The following MON2 variants were observed in gnomAD, a reference collection of about 807,000 sequenced individuals.
The protein encoded by MON2 is MON2 regulator of endosome-to-Golgi trafficking.
Under a neutral mutation model 208.6 loss-of-function variants are expected in MON2, and 84 were observed. The observed-to-expected ratio is 0.40, with a 90% CI of 0.34 to 0.48. MON2 has a LOEUF of 0.48. MON2 is among the 20% of genes least tolerant of loss of function. MON2 has a pLI of 0.59. For synonymous variants in MON2, 660 were observed against 694.0 expected (o/e 0.95, Z 0.77); for missense variants, 1,611 against 2,015.4 (o/e 0.80, Z 3.84).
At chr12:62,572,867 G>A (rs749311254) in intron 30 of MON2, among the ~76,000 whole-genome samples, 20 of 152,062 alleles carry the variant, frequency 1.3e-4, no homozygotes, top group Non-Finnish European at 2.9e-4. Context: ...TGGATTTGAT[G>A]TACTTGAAGA....
In MON2 at chr12:62,500,813, G is replaced by A; in HGVS notation, c.596G>A (p.Gly199Glu). 1 of 1,596,964 alleles carries A rather than the reference G, an allele frequency of 6.3e-7. No homozygotes were observed. The highest frequency in any genetic ancestry group is 8.5e-7 in the Non-Finnish European group (1 of 1,171,896). Residue 199 changes from glycine to glutamate, a missense_variant, in exon 6 of 35, where the codon GGA becomes GAA. Transcript: ENST00000393630. ...ATAGAACAACCAGTACTGGTACAAG[G>A]AAATAGTAACAGAAGATCTGTCAGT... ...DIIEQPVLVQ[G>E]NSNRRSVSTL...
chr12:62,533,117 A>G (rs1298224095), intron 12 of MON2, among the ~76,000 whole-genome samples: 2 of 152,148 alleles, frequency 1.3e-5, no homozygotes, highest in Admixed American at 1.3e-4. Context: ...TTTTTTGAGT[A>G]CAAGTCAGTC....
intron 2 of MON2, among the ~76,000 whole-genome samples, chr12:62,485,837 G>A (rs2069747705): frequency 6.6e-6 from 1 of 152,130 alleles, no homozygotes; most frequent in Admixed American, 6.5e-5. Context: ...CCGAGTAGCT[G>A]AGATTTCAGG....
intron 30 of MON2, among the ~76,000 whole-genome samples, chr12:62,572,360 T>TACAAGTCC (rs1355700274): frequency 1.3e-5 from 2 of 152,238 alleles, no homozygotes; most frequent in Non-Finnish European, 2.9e-5. Flanking sequence ...CGTGCCCTTT[T>TACAAGTCC]ACTAAATGTG....
Position 62,543,132 on chromosome 12 carries a change from A to C in MON2, c.2400A>C (p.Glu800Asp). The C allele has an allele frequency of 6.3e-7, 1 of 1,580,658 alleles. No individual in the cohort carries two copies. Among genetic ancestry groups the C allele is most frequent in the Non-Finnish European group, 8.6e-7 (1 of 1,167,702 alleles). Residue 800 changes from glutamate (E) to aspartate (D), a missense_variant, in exon 20 of 35, where the codon GAA (glutamate) becomes GAC (aspartate). By Grantham distance (45) the Glu-to-Asp change is conservative. Transcript: ENST00000393630. The stretch of plus-strand genomic sequence containing the variant: ...TTTTTGCTGTTGCCAAATTGTTAGA[A>C]ACTGGTTTAGTTAATATGCACCGAA... Reference protein sequence around the residue: ...PSLFAVAKLLETGLVNMHRIE... With the variant: ...PSLFAVAKLLDTGLVNMHRIE...
At chr12:62,501,530 C>T (rs2070832353) in intron 6 of MON2, 43 bp from the exon 7 acceptor site, 3 of 1,600,674 alleles carry the variant, frequency 1.9e-6, no homozygotes, top group African/African-American at 2.7e-5. Context: ...TGGAAAAGCA[C>T]ATTTAATTCT....
chr12:62,518,472 C>G (rs2071817227), intron 8 of MON2, among the ~76,000 whole-genome samples: 1 of 152,130 alleles, frequency 6.6e-6, no homozygotes. Flanking sequence ...TTTTAGGCTC[C>G]ATAACACACT....
At chr12:62,531,697 G>T (rs2072653487) in intron 11 of MON2, among the ~76,000 whole-genome samples, 1 of 152,038 alleles carries the variant, frequency 6.6e-6, no homozygotes, top group African/African-American at 2.4e-5. Context: ...TAGGTGAGCT[G>T]GGCATCTCAC....
intron 7 of MON2, among the ~76,000 whole-genome samples, chr12:62,506,003 G>C (rs571327242): frequency 6.6e-6 from 1 of 152,276 alleles, no homozygotes; most frequent in East Asian, 1.9e-4. Flanking sequence ...ATGAGAAGTG[G>C]AGAAGTAGAG....
At chr12:62,487,169 C>T (rs1234459825) in intron 2 of MON2, among the ~76,000 whole-genome samples, 3 of 151,974 alleles carry the variant, frequency 2.0e-5, no homozygotes, top group African/African-American at 7.2e-5. Context: ...TCAAAATTTC[C>T]ATTTTCTTTA....
intron 2 of MON2, among the ~76,000 whole-genome samples, chr12:62,485,771 T>C (rs2069739856): frequency 6.6e-6 from 1 of 151,954 alleles, no homozygotes; most frequent in Non-Finnish European, 1.5e-5. Flanking sequence ...TGGTGTGGTC[T>C]CGGCTTACTG....
Position 62,525,643 on chromosome 12 carries a change from T to C in MON2, c.1247-306T>C, listed in dbSNP as rs1384718816. On this transcript the variant is annotated intron_variant, in intron 10 of 34. Coordinates refer to ENST00000393630, the MANE Select transcript of MON2 (RefSeq NM_015026.3). ...ACCTTCTTTCTCTTCCACTTTGTAC[T>C]GAGTGATGGTTTTGTATACTTTATT... Among the ~76,000 whole-genome samples the C allele has an allele frequency of 2.6e-5, 4 of 152,196 alleles. No individual in the cohort carries two copies. The East Asian group carries it at 7.7e-4, about 29-fold the overall frequency.
rs915279039 is a variant in MON2, at chr12:62,466,872, C to T, written c.-336C>T. On this transcript the variant is annotated 5_prime_UTR_variant, in exon 1 of 35. Coordinates refer to ENST00000393630, the MANE Select transcript of MON2 (RefSeq NM_015026.3). ...GAGTCTTAGGGGCCTGGGGAGCTGG[C>T]GCTGAAGCTTCTTGCCAGGTTGGCT... The T allele has an allele frequency of 6.6e-6, 3 of 452,384 alleles. No homozygotes were observed. The highest frequency in any genetic ancestry group is 3.5e-5 in the East Asian group (1 of 28,822). 28.0% of individuals were successfully genotyped at this position (452,384 alleles called of 1,614,324 possible).
intron 24 of MON2, among the ~76,000 whole-genome samples, chr12:62,555,567 T>C (rs1407172964): frequency 1.3e-5 from 2 of 152,278 alleles, no homozygotes; most frequent in East Asian, 1.9e-4. Context: ...CCCAACACTT[T>C]GGGAGGTCGA....
chr12:62,576,574 A>T (rs940810814), intron 30 of MON2, among the ~76,000 whole-genome samples: 3 of 152,060 alleles, frequency 2.0e-5, no homozygotes, highest in African/African-American at 7.2e-5. Flanking sequence ...TTAAATAAAG[A>T]TTCATGAAAA....
At chr12:62,507,069 T>C (rs564997841) in intron 7 of MON2, among the ~76,000 whole-genome samples, 2 of 152,348 alleles carry the variant, frequency 1.3e-5, no homozygotes, top group East Asian at 1.9e-4. Context: ...AAAATAATTA[T>C]GCTTGTTTGC....
Position 62,565,279 on chromosome 12 carries a change from G to T in MON2, c.4075G>T (p.Ala1359Ser). Residue 1359 changes from alanine to serine, a missense_variant, in exon 27 of 35, where the codon GCT becomes TCT. Transcript: ENST00000393630. ...AGAAAACATGCAGATAATGTATCCA[G>T]CTATATTTGACCAGTTGTTGGCATT... Reference protein sequence around the residue: ...GPENMQIMYPAIFDQLLAFVE... With the variant: ...GPENMQIMYPSIFDQLLAFVE... 1 of 1,613,100 alleles carries T rather than the reference G, an allele frequency of 6.2e-7. No homozygotes were observed. Among genetic ancestry groups the T allele is most frequent in the Non-Finnish European group, 8.5e-7 (1 of 1,179,400 alleles).
At chr12:62,579,674 C>T (rs923729497) in intron 31 of MON2, among the ~76,000 whole-genome samples, 5 of 152,128 alleles carry the variant, frequency 3.3e-5, no homozygotes, top group African/African-American at 7.2e-5. Context: ...TGCAGTGAGC[C>T]GAGATCACGC....
chr12:62,540,321 T>C (rs538355185), intron 19 of MON2, among the ~76,000 whole-genome samples: 1 of 152,282 alleles, frequency 6.6e-6, no homozygotes, highest in South Asian at 2.1e-4. Context: ...ATAATACAGA[T>C]ATTAAATGAC....
Sources: allele counts gnomAD v4.1 joint callset (sites outside exome capture counted in the v4.1 genomes callset), GRCh38; gene constraint gnomAD v4.1.1; transcripts MANE v1.5; gene names NCBI Gene and HGNC (gene_info 2026-07-23, HGNC 2026-07-21).